Variants in RBM20 observed in about 807,000 individuals in gnomAD.
RBM20 encodes RNA binding motif protein 20.
Under a neutral mutation model 110.1 loss-of-function variants are expected in RBM20, and 51 were observed. That is an observed-to-expected ratio of 0.46 (90% CI 0.37 to 0.59). The LOEUF is 0.59. RBM20 is among the 20% of genes least tolerant of loss of function. The probability of loss-of-function intolerance (pLI) is 0.00; values close to 1 mark genes in which losing one functional copy is unlikely to be tolerated. For synonymous variants in RBM20, 589 were observed against 618.2 expected (o/e 0.95, Z 0.70); for missense variants, 1,512 against 1,574.9 (o/e 0.96, Z 0.68).
intron 1 of RBM20, among the ~76,000 whole-genome samples, chr10:110,754,200 T>C (rs1035943804): frequency 6.6e-6 from 1 of 152,258 alleles, no homozygotes; most frequent in African/African-American, 2.4e-5. Context: ...CCATTTTTGA[T>C]GTTGAGATAT....
chr10:110,831,204 C>T (rs1004826128), intron 13 of RBM20, 22 bp downstream of exon 13: 2 of 1,547,848 alleles, frequency 1.3e-6, no homozygotes, highest in Non-Finnish European at 1.7e-6. Flanking sequence ...CTCTCCTTGC[C>T]CAGCATGCCA....
intron 12 of RBM20, among the ~76,000 whole-genome samples, chr10:110,830,297 C>T (rs1367909165): frequency 6.6e-6 from 1 of 152,254 alleles, no homozygotes; most frequent in East Asian, 1.9e-4. Context: ...TGTCACTCCT[C>T]TCTGGCGGTG....
intron 7 of RBM20, among the ~76,000 whole-genome samples, chr10:110,803,962 T>C (rs1844663963): frequency 6.6e-6 from 1 of 152,070 alleles, no homozygotes; most frequent in East Asian, 1.9e-4. Flanking sequence ...TCTGCTCTTT[T>C]GGCTTTGTTT....
chr10:110,801,700 C>CTTTTTTTT (rs61281177), intron 7 of RBM20, among the ~76,000 whole-genome samples: 14 of 116,746 alleles, frequency 1.2e-4, no homozygotes, highest in East Asian at 2.5e-4. Flanking sequence ...TGCCTGGCTA[C>CTTTTTTTT]TTTTTTTTTT....
chr10:110,778,078 C>G (rs1844290935), intron 1 of RBM20, among the ~76,000 whole-genome samples: 1 of 152,236 alleles, frequency 6.6e-6, no homozygotes, highest in Non-Finnish European at 1.5e-5. Context: ...GCTCCCCATT[C>G]TGCTGCTGTT....
intron 1 of RBM20, among the ~76,000 whole-genome samples, chr10:110,732,559 C>T (rs1843630162): frequency 6.6e-6 from 1 of 152,128 alleles, no homozygotes; most frequent in African/African-American, 2.4e-5. Context: ...GAAATCATTC[C>T]CTAAATTTCT....
chr10:110,673,321 C>G lies in RBM20; in HGVS notation c.191+28676C>G, dbSNP rs1590608670. Among the ~76,000 whole-genome samples the G allele has an allele frequency of 3.3e-5, 5 of 152,250 alleles. No homozygotes were observed. The South Asian group carries it at 8.3e-4, about 25-fold the overall frequency. Reference sequence around the variant, plus strand: ...CTGCTTCTTGGGTTCGAGCAATTCTCCTGCCTCAGCTTCCCAAGTAGCTGG... The same window carrying G: ...CTGCTTCTTGGGTTCGAGCAATTCTGCTGCCTCAGCTTCCCAAGTAGCTGG... On this transcript the variant is annotated intron_variant, in intron 1 of 13. Transcript: ENST00000369519.
At chr10:110,791,294 C>T (rs1844480050) in intron 5 of RBM20, among the ~76,000 whole-genome samples, 2 of 152,230 alleles carry the variant, frequency 1.3e-5, no homozygotes, top group Non-Finnish European at 1.5e-5. Flanking sequence ...GGCCCACAGA[C>T]TCTGTGCCAG....
chr10:110,798,974 A>T (rs576199769), intron 6 of RBM20, among the ~76,000 whole-genome samples: 1 of 152,264 alleles, frequency 6.6e-6, no homozygotes, highest in Non-Finnish European at 1.5e-5. Flanking sequence ...ACACAGGTTT[A>T]GTGGAAAAGC....
chr10:110,810,832 T>C (rs575204307), intron 8 of RBM20, among the ~76,000 whole-genome samples: 1 of 123,312 alleles, frequency 8.1e-6, no homozygotes, highest in African/African-American at 2.8e-5. Context: ...TGCGTGTGTG[T>C]GTGCATGTGT....
intron 13 of RBM20, among the ~76,000 whole-genome samples, chr10:110,832,536 TAAAAAA>T (rs889452250): frequency 1.4e-5 from 2 of 147,252 alleles, no homozygotes; most frequent in African/African-American, 2.5e-5. Flanking sequence ...CACCCCTAGT[TAAAAAA>T]AAAACAAACT....
intron 1 of RBM20, among the ~76,000 whole-genome samples, chr10:110,647,359 C>CTTGTCA (rs2134798635): frequency 6.6e-6 from 1 of 152,180 alleles, no homozygotes; most frequent in South Asian, 2.1e-4. Flanking sequence ...ATTTCATTTC[C>CTTGTCA]TTGTCATTGT....
intron 1 of RBM20, among the ~76,000 whole-genome samples, chr10:110,745,012 G>T (rs912042581): frequency 1.3e-5 from 2 of 152,144 alleles, no homozygotes; most frequent in South Asian, 4.1e-4. Flanking sequence ...CTCCCTGGGG[G>T]TGCTGGCATC....
chr10:110,799,623 G>C (rs1193431181), intron 6 of RBM20, among the ~76,000 whole-genome samples, 164 bp from the exon 7 acceptor site: 1 of 152,134 alleles, frequency 6.6e-6, no homozygotes, highest in Non-Finnish European at 1.5e-5. Context: ...TTCTCCATCA[G>C]TTCCCCATCC....
intron 1 of RBM20, among the ~76,000 whole-genome samples, chr10:110,701,024 AAAC>A (rs1862750182): frequency 6.6e-6 from 1 of 152,126 alleles, no homozygotes; most frequent in Non-Finnish European, 1.5e-5. Context: ...CAAAAAAACA[AAAC>A]AAAGCAAACA....
chr10:110,735,141 G>C (rs935399657), intron 1 of RBM20, among the ~76,000 whole-genome samples: 1 of 152,168 alleles, frequency 6.6e-6, no homozygotes, highest in Non-Finnish European at 1.5e-5. Flanking sequence ...AGTGATGCTG[G>C]TGATTCAGAT....
chr10:110,774,580 C>T (rs1237489547), intron 1 of RBM20, among the ~76,000 whole-genome samples: 1 of 152,074 alleles, frequency 6.6e-6, no homozygotes, highest in African/African-American at 2.4e-5. Flanking sequence ...GCATTCCAGT[C>T]CCAGCTCTTC....
intron 1 of RBM20, among the ~76,000 whole-genome samples, chr10:110,701,695 A>C (rs1265790166): frequency 6.6e-6 from 1 of 152,152 alleles, no homozygotes; most frequent in Non-Finnish European, 1.5e-5. Flanking sequence ...CATTTTGATG[A>C]ATGTCCCTGT....
At chr10:110,688,491 G>C (rs1409246396) in intron 1 of RBM20, among the ~76,000 whole-genome samples, 1 of 152,018 alleles carries the variant, frequency 6.6e-6, no homozygotes, top group Non-Finnish European at 1.5e-5. Context: ...CAACATAATT[G>C]TTTACACGTT....
Sources: gnomAD v4.1 joint callset for allele counts (sites outside exome capture counted in the v4.1 genomes callset) on GRCh38, gnomAD v4.1.1 for gene constraint, MANE v1.5 for transcripts, NCBI Gene and HGNC (gene_info 2026-07-23, HGNC 2026-07-21) for gene names.